Variants in ALOX12B observed in about 807,000 individuals in gnomAD.
The protein encoded by ALOX12B is arachidonate 12-lipoxygenase, 12R-type.
Under a neutral mutation model 78.9 loss-of-function variants are expected in ALOX12B, and 47 were observed. That is an observed-to-expected ratio of 0.60 (90% CI 0.47 to 0.76). The LOEUF is 0.76. ALOX12B is among the 30% of genes least tolerant of loss of function. The probability of loss-of-function intolerance (pLI) is 0.00; values close to 1 mark genes in which losing one functional copy is unlikely to be tolerated. For missense variants in ALOX12B, 805 were observed against 922.6 expected (o/e 0.87, Z 1.65); for synonymous variants, 370 against 374.5 (o/e 0.99, Z 0.14).
Position 8,080,369 on chromosome 17 carries a change from C to A in ALOX12B, c.651-31G>T. Reference sequence around the variant, plus strand: ...AGATGGGATTCCAGGAAGAGGCCTTCAGAGGGGCTGCCAAGCGCCGGCTGG... The same window carrying A: ...AGATGGGATTCCAGGAAGAGGCCTTAAGAGGGGCTGCCAAGCGCCGGCTGG... On this transcript the variant is annotated intron_variant, in intron 5 of 14. Coordinates refer to ENST00000647874, the MANE Select transcript of ALOX12B (RefSeq NM_001139.3). The surrounding 1 kb of genome is among the most constrained non-coding windows in gnomAD (Gnocchi z 4.8). 6.2e-7 allele frequency: 1 copy of A among 1,611,810 alleles called. No individual in the cohort carries two copies.
Position 8,080,039 on chromosome 17 carries a change from G to A in ALOX12B, c.755-98C>T. The A allele has an allele frequency of 1.3e-6, 2 of 1,543,426 alleles. No homozygotes were observed. The highest frequency in any genetic ancestry group is 1.8e-6 in the Non-Finnish European group (2 of 1,133,036). ...AAGACTATGGGCACCGAGAGGAGTC[G>A]GGGAGGAAAACGAGGCCCCCAGCCT... On this transcript the variant is annotated intron_variant, in intron 6 of 14. Coordinates refer to ENST00000647874, the MANE Select transcript of ALOX12B (RefSeq NM_001139.3). The surrounding 1 kb of genome is among the most constrained non-coding windows in gnomAD (Gnocchi z 4.8).
intron 2 of ALOX12B, among the ~76,000 whole-genome samples, chr17:8,081,845 G>A (rs1282135172): frequency 2.6e-5 from 4 of 152,156 alleles, no homozygotes; most frequent in African/African-American, 9.7e-5. Context: ...GTTTCGCCAT[G>A]TTGTCCAGGG....
chr17:8,078,894 C>CTTT (rs398030274), intron 8 of ALOX12B, among the ~76,000 whole-genome samples: 10 of 115,284 alleles, frequency 8.7e-5, no homozygotes, highest in Admixed American at 1.7e-4. Context: ...AATACTGGGA[C>CTTT]TTTTTTTTTT....
chr17:8,085,956 T>C, intron 2 of ALOX12B, 60 bp downstream of exon 2: 4 of 1,590,078 alleles, frequency 2.5e-6, no homozygotes, highest in Non-Finnish European at 3.4e-6. Context: ...CATGCCAGGG[T>C]AGCAGGCTGG....
rs1435155040 is a variant in ALOX12B, at chr17:8,077,180, G to C, written c.1085C>G (p.Pro362Arg). ...MPIAIQLSQT[P>R]GPDCPIFLPS... ...CAGGAAGATGGGGCAATCTGGCCCA[G>C]GGGTCTGGCTGAGCTAGGTGTGGTG... is the stretch of plus-strand genomic sequence containing the variant. Residue 362 changes from proline to arginine, a missense_variant, in exon 9 of 15, where the codon CCT (proline) becomes CGT (arginine). Coordinates refer to ENST00000647874, the MANE Select transcript of ALOX12B (RefSeq NM_001139.3). The C allele has an allele frequency of 6.2e-7, 1 of 1,612,540 alleles. No homozygotes were observed. The highest frequency in any genetic ancestry group is 2.2e-5 in the East Asian group (1 of 44,816).
chr17:8,074,973 T>G (rs1165767340), intron 12 of ALOX12B, among the ~76,000 whole-genome samples: 1 of 152,242 alleles, frequency 6.6e-6, no homozygotes, highest in Admixed American at 6.5e-5. Context: ...CTTAGCTTGC[T>G]GCTCCTGCCC....
chr17:8,072,994 A>T (rs539121989), intron 14 of ALOX12B, 44 bp from the exon 15 acceptor site: 1 of 1,593,970 alleles, frequency 6.3e-7, no homozygotes, highest in East Asian at 2.3e-5. Flanking sequence ...GCCGGCCAGC[A>T]CCCCCTCCTC....
At chr17:8,075,466 G>T in intron 12 of ALOX12B, 129 bp downstream of exon 12, 1 of 1,461,306 alleles carries the variant, frequency 6.8e-7, no homozygotes. Context: ...TCCTAGGGCA[G>T]CAATTTGGTC....
At chr17:8,074,445 C>CCTCCCTCCCT (rs1239360176) in intron 12 of ALOX12B, among the ~76,000 whole-genome samples, 1 of 151,940 alleles carries the variant, frequency 6.6e-6, no homozygotes, top group Non-Finnish European at 1.5e-5. Context: ...CGTGGAGTCG[C>CCTCCCTCCCT]CCTTGGCCCC....
chr17:8,079,322 T>C lies in ALOX12B; in HGVS notation c.1071+74A>G. ...ATACATGCAGGTCCACACGCTCACA[T>C]AAGCGCGCGCACACTCGGAGGAGCA... On this transcript the variant is annotated intron_variant, in intron 8 of 14. Transcript: ENST00000647874. This position sits in a 1 kb window ranked among gnomAD's most constrained non-coding sequence, Gnocchi z 6.4. 6.5e-7 allele frequency: 1 copy of C among 1,538,854 alleles called. No homozygotes were observed. The highest frequency in any genetic ancestry group is 2.5e-5 in the East Asian group (1 of 40,688).
rs987935405 is a variant in ALOX12B, at chr17:8,075,824, G to A, written c.1533-108C>T. The A allele has an allele frequency of 5.1e-6, 8 of 1,578,284 alleles. No homozygotes were observed. In the South Asian group the frequency reaches 8.9e-5, roughly 18 times the overall value. On this transcript the variant is annotated intron_variant, in intron 11 of 14. Transcript: ENST00000647874. ...CCTGACCTCAGTTGGCCCCAGAGCTGCCCCAGGCCTGTGGGAGGGCAAGTC... is the reference window on the plus strand; with the variant it reads ...CCTGACCTCAGTTGGCCCCAGAGCTACCCCAGGCCTGTGGGAGGGCAAGTC...
In ALOX12B at chr17:8,079,574, C is replaced by T; in HGVS notation, c.928-35G>A. 2 of 1,548,846 alleles carry T rather than the reference C, an allele frequency of 1.3e-6. No individual in the cohort carries two copies. Among genetic ancestry groups the T allele is most frequent in the Non-Finnish European group, 1.7e-6 (2 of 1,146,228 alleles). On this transcript the variant is annotated intron_variant, in intron 7 of 14. Coordinates refer to ENST00000647874, the MANE Select transcript of ALOX12B (RefSeq NM_001139.3). The surrounding 1 kb of genome is among the most constrained non-coding windows in gnomAD (Gnocchi z 6.4). ...AGCCGCGATGGGTGGCAAGTAGGCACCCACACGGGAAGCCCGTGACCCGCG... is the reference window on the plus strand; with the variant it reads ...AGCCGCGATGGGTGGCAAGTAGGCATCCACACGGGAAGCCCGTGACCCGCG...
intron 1 of ALOX12B, 148 bp downstream of exon 1, chr17:8,087,148 C>T (rs972023844): frequency 1.6e-6 from 2 of 1,218,794 alleles, no homozygotes; most frequent in Non-Finnish European, 2.3e-6. Flanking sequence ...CCAGCCTCTC[C>T]TCGCCAAGCT....
intron 1 of ALOX12B, 114 bp downstream of exon 1, chr17:8,087,182 C>T: frequency 6.8e-7 from 1 of 1,477,188 alleles, no homozygotes; most frequent in Non-Finnish European, 9.2e-7. Flanking sequence ...TCCCCCTGCG[C>T]ACCTTCACCC....
intron 8 of ALOX12B, among the ~76,000 whole-genome samples, chr17:8,078,696 G>A (rs958375679): frequency 6.6e-6 from 1 of 152,126 alleles, no homozygotes; most frequent in Non-Finnish European, 1.5e-5. Flanking sequence ...GAGAGGCGGG[G>A]AACTGCCAAG....
chr17:8,086,210 T>C lies in ALOX12B; in HGVS notation c.158A>G (p.Tyr53Cys), dbSNP rs750808105. The change falls in exon 2 of 15, where the codon TAC becomes TGC. Residue 53 changes from tyrosine (Y) to cysteine (C), a missense_variant. Physicochemically the swap from Tyr to Cys is radical, Grantham distance 194. Transcript: ENST00000647874. ...CAGGTCCTGAGGGCACTGCACGGTG[T>C]ACTGGCCCACCTAGGCAGGATGCAA... ...RDFATGAVGQ[Y>C]TVQCPQDLGE... 6.2e-7 allele frequency: 1 copy of C among 1,614,014 alleles called. No individual in the cohort carries two copies. The highest frequency in any genetic ancestry group is 1.1e-5 in the South Asian group (1 of 91,064).
rs1314452922 is a variant in ALOX12B at position 8,079,249 on chromosome 17, C to T, written c.1071+147G>A. The stretch of plus-strand genomic sequence containing the variant: ...TGAGCATCTGCAGATTTTGGCATCC[C>T]GGGGAGGTCCTGGAACCAATCTCTC... On this transcript the variant is annotated intron_variant, in intron 8 of 14. Coordinates refer to ENST00000647874, the MANE Select transcript of ALOX12B (RefSeq NM_001139.3). The surrounding 1 kb of genome is among the most constrained non-coding windows in gnomAD (Gnocchi z 6.4). 1.0e-5 allele frequency: 13 copies of T among 1,245,420 alleles called. No individual in the cohort carries two copies. The highest frequency in any genetic ancestry group is 5.3e-5 in the East Asian group (2 of 37,530). 77.1% of individuals were successfully genotyped at this position (1,245,420 alleles called of 1,614,324 possible).
In ALOX12B at chr17:8,072,644, G is replaced by C. The variant is rs1977005207; in HGVS notation, c.*127C>G. 2 of 1,391,358 alleles carry C rather than the reference G, an allele frequency of 1.4e-6. No individual in the cohort carries two copies. The highest frequency in any genetic ancestry group is 1.4e-5 in the African/African-American group (1 of 69,454). 86.2% of individuals were successfully genotyped at this position (1,391,358 alleles called of 1,614,324 possible). A position where few individuals can be genotyped will look rare whatever the true frequency, so the allele number is the denominator to read the frequency against. On this transcript the variant is annotated 3_prime_UTR_variant, in exon 15 of 15. Coordinates refer to ENST00000647874, the MANE Select transcript of ALOX12B (RefSeq NM_001139.3). ...TCACAGCCAGACCCAGGGAAAGGAA[G>C]GTTTTTTGTTTTTTTGTTTGTTTGG...
In ALOX12B at chr17:8,080,109, G is replaced by A. The variant is rs765535549; in HGVS notation, c.754+126C>T. 137 of 1,471,066 alleles carry A rather than the reference G, an allele frequency of 9.3e-5. No individual in the cohort carries two copies. Among genetic ancestry groups the A allele is most frequent in the Admixed American group, 2.4e-4 (14 of 58,778 alleles). The allele number at this position is 1,471,066 out of a possible 1,614,324, so 91.1% of individuals were successfully genotyped here. On this transcript the variant is annotated intron_variant, in intron 6 of 14. Transcript: ENST00000647874. This position sits in a 1 kb window ranked among gnomAD's most constrained non-coding sequence, Gnocchi z 4.8. ...AGCCCGGTGCGACATTTTCCAAGAA[G>A]CCGCCAGAGGGCGCGCGCGCGCCTC... is the stretch of plus-strand genomic sequence containing the variant.
Sources: gnomAD v4.1 joint callset for allele counts (sites outside exome capture counted in the v4.1 genomes callset) on GRCh38, gnomAD v4.1.1 for gene constraint, Gnocchi (gnomAD v3.1) non-coding constraint, MANE v1.5 for transcripts, NCBI Gene and HGNC (gene_info 2026-07-23, HGNC 2026-07-21) for gene names.